FRAS1: variants seen among roughly 807,000 people sequenced by gnomAD.
The protein encoded by FRAS1 is Fraser extracellular matrix complex subunit 1.
FRAS1 carries 290 observed loss-of-function variants against 435.2 expected under a neutral mutation model. The ratio of observed to expected loss-of-function variants is 0.67; its 90% confidence interval spans 0.61 to 0.73. The LOEUF (loss-of-function observed/expected upper bound fraction) is 0.73, where lower values mean the gene tolerates loss of function less well. Ranked by LOEUF, FRAS1 falls within the 30% of genes least tolerant of loss-of-function variation. FRAS1 has a pLI of 0.00. For missense variants in FRAS1, 4,860 were observed against 5,001.5 expected, an observed-to-expected ratio of 0.97 and a Z score of 0.85; for synonymous variants, 1,800 against 1,851.0, an observed-to-expected ratio of 0.97 and a Z score of 0.71.
chr4:78,340,528 G>T (rs1175866549), intron 20 of FRAS1, among the ~76,000 whole-genome samples: 1 of 152,128 alleles, frequency 6.6e-6, no homozygotes, highest in Non-Finnish European at 1.5e-5. Context: ...TGAAGCCTTT[G>T]CTCTGTGCCA....
At chr4:78,148,988 G>A (rs1185994135) in intron 2 of FRAS1, among the ~76,000 whole-genome samples, 2 of 152,204 alleles carry the variant, frequency 1.3e-5, no homozygotes, top group Non-Finnish European at 2.9e-5. Flanking sequence ...TGGACAAAGA[G>A]TGTAATTCAT....
At chr4:78,116,766 G>T (rs981012289) in intron 2 of FRAS1, among the ~76,000 whole-genome samples, 2 of 152,062 alleles carry the variant, frequency 1.3e-5, no homozygotes, top group Admixed American at 6.6e-5. Context: ...CACACTGATT[G>T]GTCTTGACTC....
In FRAS1 at chr4:78,327,461, T is replaced by C. The variant is rs963712877; in HGVS notation, c.2138-5811T>C. On this transcript the variant is annotated intron_variant, in intron 18 of 73. Coordinates refer to ENST00000512123, the MANE Select transcript of FRAS1 (RefSeq NM_025074.7). ...ATTAAAAAGAAAAACAATAGTAGTA[T>C]CGGTTGTTTGAAATATACATGGAAA... Among the ~76,000 whole-genome samples the C allele has an allele frequency of 5.9e-5, 9 of 152,290 alleles. No individual in the cohort carries two copies. In the East Asian group the frequency reaches 1.5e-3, roughly 26 times the overall value.
At chr4:78,127,716 A>G in intron 2 of FRAS1, among the ~76,000 whole-genome samples, 1 of 152,130 alleles carries the variant, frequency 6.6e-6, no homozygotes. Flanking sequence ...AGGAAGGATG[A>G]TGAAGTAAGT....
intron 2 of FRAS1, among the ~76,000 whole-genome samples, chr4:78,101,582 C>T (rs571038474): frequency 6.6e-6 from 1 of 152,010 alleles, no homozygotes; most frequent in Admixed American, 6.6e-5. Context: ...TCATTAGTTA[C>T]CTATGGCAGA....
chr4:78,216,133 T>C (rs1037844438), intron 2 of FRAS1, among the ~76,000 whole-genome samples: 18 of 152,202 alleles, frequency 1.2e-4, no homozygotes, highest in African/African-American at 3.6e-4. Context: ...ATGTGCTTAG[T>C]GGATACTTAT....
intron 18 of FRAS1, among the ~76,000 whole-genome samples, chr4:78,329,144 G>A (rs1313437354): frequency 6.6e-6 from 1 of 152,182 alleles, no homozygotes. Flanking sequence ...TTCCCATCCA[G>A]AGTTGTGTTA....
chr4:78,515,677 T>G, intron 65 of FRAS1, 122 bp from the exon 66 acceptor site: 1 of 827,128 alleles, frequency 1.2e-6, no homozygotes, highest in Non-Finnish European at 1.9e-6. Context: ...TGGGTTGCTT[T>G]GTTAGTAGGG....
chr4:78,446,384 G>T, intron 42 of FRAS1: 5 of 1,082,218 alleles, frequency 4.6e-6, no homozygotes, highest in Non-Finnish European at 5.6e-6. Flanking sequence ...AGAGTTCTGA[G>T]TTATATTAGT....
chr4:78,200,182 A>G (rs2110074731), intron 2 of FRAS1, among the ~76,000 whole-genome samples: 2 of 152,326 alleles, frequency 1.3e-5, no homozygotes, highest in East Asian at 3.9e-4. Flanking sequence ...TACTGTCGAC[A>G]GTAGGTTTCT....
intron 14 of FRAS1, among the ~76,000 whole-genome samples, chr4:78,297,952 A>T (rs1204084568): frequency 6.7e-6 from 1 of 150,094 alleles, no homozygotes; most frequent in Non-Finnish European, 1.5e-5. Flanking sequence ...TGTTCTTGCC[A>T]CTCAAGGGAA....
rs192406109 is a variant in FRAS1 at position 78,169,075 on chromosome 4, C to A, written c.109-68435C>A. Among the ~76,000 whole-genome samples the A allele has an allele frequency of 7.9e-5, 12 of 152,160 alleles. No individual in the cohort carries two copies. In the East Asian group the frequency reaches 2.3e-3, roughly 29 times the overall value. ...AAGAGGGTTTTAAGACTCCAACCAG[C>A]CGAACAAGGGGGAGTTGTAAATTGC... On this transcript the variant is annotated intron_variant, in intron 2 of 73. Transcript: ENST00000512123.
intron 14 of FRAS1, among the ~76,000 whole-genome samples, chr4:78,300,747 C>A (rs531692536): frequency 6.6e-6 from 1 of 152,252 alleles, no homozygotes; most frequent in South Asian, 2.1e-4. Context: ...CTGCCTATGG[C>A]TGCAGCCATG....
intron 65 of FRAS1, among the ~76,000 whole-genome samples, chr4:78,515,138 T>A (rs964922972): frequency 6.6e-6 from 1 of 151,928 alleles, no homozygotes; most frequent in Non-Finnish European, 1.5e-5. Context: ...TGCATAAAGT[T>A]CTCCCTTAAT....
chr4:78,484,036 T>C (rs1359759157), intron 58 of FRAS1, among the ~76,000 whole-genome samples: 2 of 151,998 alleles, frequency 1.3e-5, no homozygotes, highest in African/African-American at 2.4e-5. Context: ...AATTATCTCA[T>C]GTGCCTTTGT....
intron 38 of FRAS1, among the ~76,000 whole-genome samples, chr4:78,433,594 G>T (rs1734295298): frequency 1.3e-5 from 2 of 152,102 alleles, no homozygotes; most frequent in African/African-American, 2.4e-5. Flanking sequence ...CCCCTCAAAT[G>T]GTCCTTTCTT....
chr4:78,099,470 G>A (rs1741995225), intron 2 of FRAS1, among the ~76,000 whole-genome samples: 1 of 152,136 alleles, frequency 6.6e-6, no homozygotes, highest in Non-Finnish European at 1.5e-5. Flanking sequence ...TAAAAGATGG[G>A]GGTGAAAGGG....
intron 71 of FRAS1, 69 bp from the exon 72 acceptor site, chr4:78,536,926 T>C (rs760816441): frequency 6.7e-6 from 9 of 1,338,626 alleles, no homozygotes; most frequent in Non-Finnish European, 9.6e-6. Flanking sequence ...TTAACCCCTT[T>C]CAACCCTTGA....
intron 2 of FRAS1, among the ~76,000 whole-genome samples, chr4:78,130,561 G>A (rs956401353): frequency 1.3e-5 from 2 of 152,086 alleles, no homozygotes; most frequent in Admixed American, 1.3e-4. Context: ...TGTGCGAGTT[G>A]TAACCACCTT....
Sources: gnomAD v4.1 joint callset for allele counts (sites outside exome capture counted in the v4.1 genomes callset) on GRCh38, gnomAD v4.1.1 for gene constraint, MANE v1.5 for transcripts, NCBI Gene and HGNC (gene_info 2026-07-23, HGNC 2026-07-21) for gene names.